The following IL4I1 variants were observed in gnomAD, a reference collection of about 807,000 sequenced individuals.
The protein encoded by IL4I1 is interleukin 4 induced 1, also known as L-amino-acid oxidase.
A neutral mutation model predicts 29.7 loss-of-function variants in IL4I1; 24 were observed. That is an observed-to-expected ratio of 0.81 (90% CI 0.59 to 1.14). IL4I1 has a LOEUF of 1.14. IL4I1 is among the 50% of genes most tolerant of loss of function. The probability of loss-of-function intolerance (pLI) is 0.00; values close to 1 mark genes in which losing one functional copy is unlikely to be tolerated. For missense variants in IL4I1, 686 were observed against 785.6 expected, an observed-to-expected ratio of 0.87 and a Z score of 1.52; for synonymous variants, 371 against 352.5, an observed-to-expected ratio of 1.05 and a Z score of -0.59.
At chr19:49,901,931 C>T (rs753598276) in intron 3 of IL4I1, 4 of 381,648 alleles carry the variant, frequency 1.0e-5, no homozygotes, top group Non-Finnish European at 1.4e-5. Flanking sequence ...TGGCTTCACA[C>T]AGCCCTTGTC....
intron 2 of IL4I1, among the ~76,000 whole-genome samples, chr19:49,926,427 G>A (rs1265603055): frequency 6.6e-6 from 1 of 152,034 alleles, no homozygotes; most frequent in Non-Finnish European, 1.5e-5. Context: ...CTACTTGGAA[G>A]GCTGAGGCAG....
chr19:49,909,886 TA>T, intron 2 of IL4I1: 2 of 1,478,066 alleles, frequency 1.4e-6, no homozygotes, highest in Non-Finnish European at 1.9e-6. Context: ...GGAAGATTTC[TA>T]AAGCAGAGGA....
Position 49,895,863 on chromosome 19 carries a change from A to G in IL4I1, c.204T>C (p.Gly68=), listed in dbSNP as rs1600472991. 2.5e-6 allele frequency: 4 copies of G among 1,614,002 alleles called. No individual in the cohort carries two copies. In the East Asian group the frequency reaches 8.9e-5, roughly 36 times the overall value. ...CCTTGGCGGCCACCAGCCCGGCCAC[A>G]CCAGCGCCAACCACAATCACCCTCT... ...KPQRVIVVGA[G]VAGLVAAKVL... is the part of the protein sequence containing the mutation. The change falls in exon 3 of 8, where the codon GGT becomes GGC. Residue 68 remains glycine, a synonymous_variant. Coordinates refer to ENST00000391826, the MANE Select transcript of IL4I1 (RefSeq NM_152899.2).
At chr19:49,910,122 G>A (rs2075425838) in intron 2 of IL4I1, among the ~76,000 whole-genome samples, 1 of 152,126 alleles carries the variant, frequency 6.6e-6, no homozygotes, top group Non-Finnish European at 1.5e-5. Flanking sequence ...CCAGTGGAAA[G>A]CTCCCACTCT....
In IL4I1 at chr19:49,895,074, G is replaced by C; in HGVS notation, c.359C>G (p.Ser120Cys). 6.2e-7 allele frequency: 1 copy of C among 1,613,054 alleles called. No homozygotes were observed. Among genetic ancestry groups the C allele is most frequent in the Non-Finnish European group, 8.5e-7 (1 of 1,179,296 alleles). The change falls in exon 4 of 8, where the codon TCT becomes TGT. Residue 120 changes from serine to cysteine, a missense_variant. Transcript: ENST00000391826. ...GGGTGGGTTGCTAGGTCACCTGTGAGAGCTGGGCATGCGCATGGCTCCCAG... is the reference window on the plus strand; with the variant it reads ...GGGTGGGTTGCTAGGTCACCTGTGACAGCTGGGCATGCGCATGGCTCCCAG... The part of the protein sequence containing the change: ...GELGAMRMPS[S>C]HRILHKLCQG...
At chr19:49,923,844 T>C (rs1451941950) in intron 2 of IL4I1, among the ~76,000 whole-genome samples, 1 of 152,192 alleles carries the variant, frequency 6.6e-6, no homozygotes, top group Non-Finnish European at 1.5e-5. Flanking sequence ...CTAGGGCCCA[T>C]GCTCTGACCC....
chr19:49,896,446 C>CTTT (rs111916822), intron 1 of IL4I1, among the ~76,000 whole-genome samples: 8 of 148,878 alleles, frequency 5.4e-5, no homozygotes, highest in African/African-American at 2.0e-4. Context: ...TCCTTTCTTT[C>CTTT]TTTTTTTTTT....
At position 49,889,726 on chromosome 19, in the gene IL4I1, G is replaced by A. The variant is rs370859316; in HGVS notation, c.1648C>T (p.Pro550Ser). 6.6e-7 allele frequency: 1 copy of A among 1,515,496 alleles called. No homozygotes were observed. Among genetic ancestry groups the A allele is most frequent in the Non-Finnish European group, 8.8e-7 (1 of 1,131,950 alleles). The allele number at this position is 1,515,496 out of a possible 1,614,324, so 93.9% of individuals were successfully genotyped here. The change falls in exon 8 of 8, where the codon CCA (proline) becomes TCA (serine). Residue 550 changes from proline to serine, a missense_variant. By Grantham distance (74) the Pro-to-Ser change is moderately conservative (BLOSUM62 -1). Coordinates refer to ENST00000391826, the MANE Select transcript of IL4I1 (RefSeq NM_152899.2). The part of the protein sequence containing the change: ...DLAKEEGSHP[P>S]VQGQLSLQNT... ...TGGAGAGATAACTGGCCTTGGACTG[G>A]AGGGTGGCTGCCTTCTTCCTTTGCC...
At chr19:49,923,770 A>G (rs1237297566) in intron 2 of IL4I1, among the ~76,000 whole-genome samples, 1 of 152,234 alleles carries the variant, frequency 6.6e-6, no homozygotes, top group African/African-American at 2.4e-5. Flanking sequence ...TCATAGAAAG[A>G]GGATGCCACT....
At chr19:49,913,511 C>CA (rs1271919870) in intron 2 of IL4I1, among the ~76,000 whole-genome samples, 1 of 152,194 alleles carries the variant, frequency 6.6e-6, no homozygotes, top group African/African-American at 2.4e-5. Flanking sequence ...ACGGGTGCGC[C>CA]ATGTCCTCCC....
At position 49,890,829 on chromosome 19, in the gene IL4I1, G is replaced by A. The variant is rs568487723; in HGVS notation, c.773+142C>T. The A allele has an allele frequency of 6.7e-5, 55 of 816,046 alleles. No individual in the cohort carries two copies. The African/African-American group carries it at 9.5e-4, about 14-fold the overall frequency. 50.6% of individuals were successfully genotyped at this position (816,046 alleles called of 1,614,324 possible). A position where few individuals can be genotyped will look rare whatever the true frequency, so the allele number is the denominator to read the frequency against. ...CCCCTAGGCCGTGTCCTTTATCTGG[G>A]AACCCTTAGCCCCGCGACCATCAAT... On this transcript the variant is annotated intron_variant, in intron 7 of 7. Coordinates refer to ENST00000391826, the MANE Select transcript of IL4I1 (RefSeq NM_152899.2).
rs143957000 is a variant in IL4I1, at chr19:49,901,957, G to A, written c.-104-136C>T. On this transcript the variant is annotated intron_variant, in intron 3 of 9. Transcript: ENST00000341114. ...AGCCCTTGTCTCACTCACCCTCCCC[G>A]CCCTCTCACTGGATTTATTTTAGAG... is the stretch of plus-strand genomic sequence containing the variant. The A allele has an allele frequency of 2.6e-5, 9 of 343,144 alleles. 1 individual carries two copies. The highest frequency in any genetic ancestry group is 1.9e-4 in the South Asian group (2 of 10,442). 21.3% of individuals were successfully genotyped at this position (343,144 alleles called of 1,614,324 possible). A position where few individuals can be genotyped will look rare whatever the true frequency, so the allele number is the denominator to read the frequency against.
intron 5 of IL4I1, among the ~76,000 whole-genome samples, chr19:49,892,864 G>C (rs1287785386): frequency 6.6e-6 from 1 of 152,166 alleles, no homozygotes; most frequent in Admixed American, 6.5e-5. Context: ...GACCTGGGTG[G>C]GGAGGGGATG....
chr19:49,895,698 T>TGCCCCCCCCAACCCCCCACCC, intron 3 of IL4I1, 117 bp downstream of exon 3: 1 of 705,418 alleles, frequency 1.4e-6, no homozygotes, highest in Non-Finnish European at 2.4e-6. Flanking sequence ...AGATAGCCTC[T>TGCCCCCCCCAACCCCCCACCC]CCCCCCACAT....
chr19:49,890,377 A>G lies in IL4I1; in HGVS notation c.997T>C (p.Ser333Pro), dbSNP rs746196994. 7.5e-6 allele frequency: 12 copies of G among 1,601,530 alleles called. No homozygotes were observed. The South Asian group carries it at 1.1e-4, about 15-fold the overall frequency. ...TGCATGTGGCGGGGCAGCGGCGGCG[A>G]GAAGGTGATGCGCTTCACCGCCGGT... ...SGPAVKRITF[S>P]PPLPRHMQEA... Residue 333 changes from serine to proline, a missense_variant, in exon 8 of 8, where the codon TCG (serine) becomes CCG (proline). Transcript: ENST00000391826.
chr19:49,913,545 C>T (rs943655872), intron 2 of IL4I1, among the ~76,000 whole-genome samples: 3 of 152,238 alleles, frequency 2.0e-5, no homozygotes, highest in South Asian at 2.1e-4. Context: ...GCCACTGCTC[C>T]GTAAGCGTTA....
At chr19:49,914,641 C>T (rs773370596) in intron 2 of IL4I1, among the ~76,000 whole-genome samples, 12 of 150,384 alleles carry the variant, frequency 8.0e-5, no homozygotes, top group Admixed American at 1.3e-4. Flanking sequence ...TCTGTGAGAA[C>T]CAGGGTTCTT....
intron 5 of IL4I1, among the ~76,000 whole-genome samples, chr19:49,892,734 TTCAC>T (rs753121950): frequency 2.6e-5 from 4 of 152,180 alleles, no homozygotes; most frequent in African/African-American, 4.8e-5. Flanking sequence ...GCAGTGCCCC[TTCAC>T]TCACTCATGC....
chr19:49,896,090 AG>A (rs751716782), intron 2 of IL4I1, 37 bp from the exon 3 acceptor site: 1 of 1,593,028 alleles, frequency 6.3e-7, no homozygotes, highest in South Asian at 1.1e-5. Context: ...GGGTTGTGGC[AG>A]GTCGGGGGAG....
Sources: gnomAD v4.1 joint callset for allele counts (sites outside exome capture counted in the v4.1 genomes callset) on GRCh38, gnomAD v4.1.1 for gene constraint, MANE v1.5 for transcripts, NCBI Gene and HGNC (gene_info 2026-07-23, HGNC 2026-07-21) for gene names.